The following ALPL variants were observed in gnomAD, a reference collection of about 807,000 sequenced individuals.
ALPL encodes alkaline phosphatase, tissue-nonspecific isozyme.
ALPL carries 42 observed loss-of-function variants against 51.3 expected under a neutral mutation model. That is an observed-to-expected ratio of 0.82 (90% CI 0.64 to 1.06). The LOEUF is 1.06. ALPL is among the 50% of genes least tolerant of loss of function. The pLI, the probability that ALPL is intolerant of heterozygous loss-of-function variation, is 0.00. For missense variants in ALPL, 589 were observed against 709.4 expected (o/e 0.83, Z 1.93); for synonymous variants, 279 against 296.4 (o/e 0.94, Z 0.60).
At chr1:21,532,037 T>C (rs894599321) in intron 1 of ALPL, among the ~76,000 whole-genome samples, 1 of 152,154 alleles carries the variant, frequency 6.6e-6, no homozygotes, top group Non-Finnish European at 1.5e-5. Context: ...AGGAGCCATA[T>C]GTCTTCTCTC....
intron 1 of ALPL, among the ~76,000 whole-genome samples, chr1:21,548,574 T>C (rs1027293962): frequency 6.6e-6 from 1 of 152,180 alleles, no homozygotes; most frequent in Non-Finnish European, 1.5e-5. Context: ...AGAATAATCA[T>C]GTGGGGCTGG....
chr1:21,538,794 C>A (rs1644144254), intron 1 of ALPL, among the ~76,000 whole-genome samples: 1 of 152,076 alleles, frequency 6.6e-6, no homozygotes. Context: ...CCCCTCCCTG[C>A]CACTGCAAGC....
chr1:21,534,215 GTCC>G (rs551626154), intron 1 of ALPL, among the ~76,000 whole-genome samples: 6 of 152,156 alleles, frequency 3.9e-5, no homozygotes, highest in Non-Finnish European at 7.3e-5. Context: ...GGCTCAAGCA[GTCC>G]TCCTGCCTTG....
intron 1 of ALPL, among the ~76,000 whole-genome samples, chr1:21,533,934 A>AG (rs1558533642): frequency 9.1e-5 from 12 of 132,256 alleles, no homozygotes; most frequent in Non-Finnish European, 1.3e-4. Context: ...CAAAAAAAAA[A>AG]AAAGAAGAAG....
chr1:21,560,596 C>A, intron 2 of ALPL, 30 bp from the exon 3 acceptor site: 1 of 1,613,278 alleles, frequency 6.2e-7, no homozygotes, highest in Non-Finnish European at 8.5e-7. Context: ...ATCCTTACCC[C>A]GCCAAGTAAC....
intron 2 of ALPL, among the ~76,000 whole-genome samples, chr1:21,559,422 G>GGGGA (rs1455096807): frequency 2.6e-5 from 4 of 152,220 alleles, no homozygotes; most frequent in Admixed American, 2.6e-4. Context: ...AGTCCTTAGA[G>GGGGA]CGACCCTGAG....
At chr1:21,525,175 T>C (rs1053604331) in intron 1 of ALPL, among the ~76,000 whole-genome samples, 1 of 152,244 alleles carries the variant, frequency 6.6e-6, no homozygotes, top group African/African-American at 2.4e-5. Flanking sequence ...AAACGGATGC[T>C]TTCCTCTTGG....
At chr1:21,572,352 C>T (rs1267426688) in intron 8 of ALPL, among the ~76,000 whole-genome samples, 1 of 152,078 alleles carries the variant, frequency 6.6e-6, no homozygotes, top group Non-Finnish European at 1.5e-5. Flanking sequence ...GGCCTCAGTT[C>T]CTTGGCACAT....
Position 21,577,505 on chromosome 1 carries a change from A to G in ALPL, c.1432A>G (p.Asn478Asp). 1 of 1,608,720 alleles carries G rather than the reference A, an allele frequency of 6.2e-7. No individual in the cohort carries two copies. The highest frequency in any genetic ancestry group is 8.5e-7 in the Non-Finnish European group (1 of 1,179,892). ...AHLLHGVHEQ[N>D]YVPHVMAYAA... ...CCTGCTGCACGGCGTCCACGAGCAG[A>G]ACTACGTCCCCCACGTGATGGCGTA... is the stretch of plus-strand genomic sequence containing the variant. The change falls in exon 12 of 12, where the codon AAC becomes GAC. Residue 478 changes from asparagine (N) to aspartate (D), a missense_variant. Asn to Asp is a conservative substitution (Grantham distance 23). Transcript: ENST00000374840.
Position 21,549,475 on chromosome 1 carries a change from C to CT in ALPL, c.-104-4489dup, listed in dbSNP as rs5772952. 3.6e-3 allele frequency among the ~76,000 whole-genome samples: 527 copies of CT among 145,446 alleles called. 1 individual carries two copies. Among genetic ancestry groups the CT allele is most frequent in the Middle Eastern group, 7.0e-3 (2 of 286 alleles). On this transcript the variant is annotated intron_variant, in intron 1 of 11. Coordinates refer to ENST00000374840, the MANE Select transcript of ALPL (RefSeq NM_000478.6). ...AAAGGCTGAATGCTTTTTTCTTTTT[C>CT]TTTTTTTTTTTTTTCTGAGATGGAG...
chr1:21,556,582 C>T (rs775656299), intron 2 of ALPL, among the ~76,000 whole-genome samples: 37 of 151,778 alleles, frequency 2.4e-4, no homozygotes, highest in Non-Finnish European at 4.4e-4. Context: ...TTCAAGATTA[C>T]GGTGAGCTAT....
chr1:21,509,182 G>A (rs1643628352), upstream of ALPL, among the ~76,000 whole-genome samples: 3 of 152,156 alleles, frequency 2.0e-5, no homozygotes, highest in South Asian at 4.1e-4. The surrounding 1 kb of genome is among the most constrained non-coding windows in gnomAD (Gnocchi z 6.0). Flanking sequence ...GACCGAGAGT[G>A]CGGGGCGGGC....
At position 21,577,554 on chromosome 1, in the gene ALPL, T is replaced by A; in HGVS notation, c.1481T>A (p.Leu494His). 1 of 1,604,944 alleles carries A rather than the reference T, an allele frequency of 6.2e-7. No individual in the cohort carries two copies. The highest frequency in any genetic ancestry group is 8.5e-7 in the Non-Finnish European group (1 of 1,179,834). ...TATGCAGCCTGCATCGGGGCCAACC[T>A]CGGCCACTGTGCTCCTGCCAGCTCG... is the stretch of plus-strand genomic sequence containing the variant. ...MAYAACIGAN[L>H]GHCAPASSAG... The change falls in exon 12 of 12, where the codon CTC becomes CAC. Residue 494 changes from leucine (L) to histidine (H), a missense_variant. Coordinates refer to ENST00000374840, the MANE Select transcript of ALPL (RefSeq NM_000478.6).
At chr1:21,554,790 TGTCTGTCTGTCTGTCTGTC>T in intron 2 of ALPL, among the ~76,000 whole-genome samples, 1 of 92,388 alleles carries the variant, frequency 1.1e-5, no homozygotes, top group South Asian at 3.0e-4. Flanking sequence ...GCGCCTGGCC[TGTCTGTCTGTCTGTCTGTC>T]TGTCTGTCTT....
At chr1:21,532,428 T>C (rs1644043093) in intron 1 of ALPL, among the ~76,000 whole-genome samples, 1 of 152,134 alleles carries the variant, frequency 6.6e-6, no homozygotes, top group African/African-American at 2.4e-5. Context: ...TGACCTCATG[T>C]GATCCGCCCG....
intron 11 of ALPL, among the ~76,000 whole-genome samples, chr1:21,576,972 A>T (rs1019332607): frequency 6.6e-6 from 1 of 152,138 alleles, no homozygotes; most frequent in African/African-American, 2.4e-5. Context: ...GTAGGTGCTC[A>T]ATATTTTATA....
chr1:21,578,324 CA>C lies in ALPL; in HGVS notation c.*685del, dbSNP rs960014457. On this transcript the variant is annotated 3_prime_UTR_variant, in exon 12 of 12. Coordinates refer to ENST00000374840, the MANE Select transcript of ALPL (RefSeq NM_000478.6). The surrounding 1 kb of genome is among the most constrained non-coding windows in gnomAD (Gnocchi z 4.2). The stretch of plus-strand genomic sequence containing the variant: ...GAAGCGACTCTCCTGTTTGGAACGG[CA>C]AAAAAAAATTTTTTTTTCTCTTTTT... The C allele has an allele frequency of 5.9e-5, 9 of 151,866 alleles. No individual in the cohort carries two copies. Among genetic ancestry groups the C allele is most frequent in the East Asian group, 1.9e-4 (1 of 5,158 alleles). 9.4% of individuals were successfully genotyped at this position (151,866 alleles called of 1,614,324 possible). A position where few individuals can be genotyped will look rare whatever the true frequency, so the allele number is the denominator to read the frequency against.
chr1:21,552,410 C>T (rs551644713), intron 1 of ALPL, among the ~76,000 whole-genome samples: 2 of 148,180 alleles, frequency 1.3e-5, no homozygotes, highest in South Asian at 2.1e-4. Context: ...ACCCGGGGGG[C>T]GGAGGTTGCA....
At chr1:21,558,886 G>A (rs1166722824) in intron 2 of ALPL, among the ~76,000 whole-genome samples, 3 of 152,324 alleles carry the variant, frequency 2.0e-5, no homozygotes, top group East Asian at 1.9e-4. Flanking sequence ...GTGAGTTTCC[G>A]GTTCTCCCAC....
Sources: gnomAD v4.1 joint callset for allele counts (sites outside exome capture counted in the v4.1 genomes callset) on GRCh38, gnomAD v4.1.1 for gene constraint, Gnocchi (gnomAD v3.1) non-coding constraint, MANE v1.5 for transcripts, NCBI Gene and HGNC (gene_info 2026-07-23, HGNC 2026-07-21) for gene names.